The following CAPN13 variants were observed in gnomAD, a reference collection of about 807,000 sequenced individuals.
CAPN13 encodes the protein calpain-13.
Under a neutral mutation model 98.4 loss-of-function variants are expected in CAPN13, and 90 were observed. The observed-to-expected ratio is 0.92, with a 90% CI of 0.77 to 1.09. The LOEUF (loss-of-function observed/expected upper bound fraction) is 1.09, where lower values mean the gene tolerates loss of function less well. CAPN13 is among the 50% of genes least tolerant of loss of function. The pLI is 0.00. For synonymous variants in CAPN13, 330 were observed against 305.5 expected (o/e 1.08, Z -0.84); for missense variants, 887 against 841.3 (o/e 1.05, Z -0.67).
chr2:30,766,739 G>A (rs1237538694), intron 5 of CAPN13, among the ~76,000 whole-genome samples: 2 of 152,198 alleles, frequency 1.3e-5, no homozygotes, highest in African/African-American at 4.8e-5. Context: ...ATGCTGAAAT[G>A]CTGTAGAGAT....
At chr2:30,783,385 G>C (rs1330132644) in intron 2 of CAPN13, among the ~76,000 whole-genome samples, 1 of 152,136 alleles carries the variant, frequency 6.6e-6, no homozygotes, top group Admixed American at 6.5e-5. Flanking sequence ...GAGCCTGGCT[G>C]GGGGAGGGGG....
chr2:30,798,407 A>T (rs1224653312), intron 1 of CAPN13, among the ~76,000 whole-genome samples: 9 of 152,036 alleles, frequency 5.9e-5, no homozygotes, highest in African/African-American at 2.2e-4. Context: ...CAACCTACTG[A>T]GCTCTCTCTC....
chr2:30,780,969 G>A (rs1673957778), intron 2 of CAPN13, among the ~76,000 whole-genome samples: 1 of 152,236 alleles, frequency 6.6e-6, no homozygotes, highest in Non-Finnish European at 1.5e-5. Flanking sequence ...CCAGTGTGAT[G>A]AGAACCTGGA....
At chr2:30,765,483 GT>G (rs1454289382) in intron 5 of CAPN13, among the ~76,000 whole-genome samples, 3 of 152,190 alleles carry the variant, frequency 2.0e-5, no homozygotes, top group Non-Finnish European at 4.4e-5. Flanking sequence ...TTTTGTTCTG[GT>G]AATGCAAAAT....
chr2:30,730,423 T>C (rs563341792), intron 22 of CAPN13, among the ~76,000 whole-genome samples: 1 of 152,340 alleles, frequency 6.6e-6, no homozygotes, highest in African/African-American at 2.4e-5. Flanking sequence ...ACCATTTCTC[T>C]TGCCCTTCCC....
At chr2:30,755,667 C>T (rs1672407118) in intron 8 of CAPN13, among the ~76,000 whole-genome samples, 1 of 152,132 alleles carries the variant, frequency 6.6e-6, no homozygotes, top group South Asian at 2.1e-4. Flanking sequence ...AGACCTTTCT[C>T]CTGGATGAGC....
At chr2:30,755,880 C>T (rs549863805) in intron 8 of CAPN13, among the ~76,000 whole-genome samples, 1 of 151,442 alleles carries the variant, frequency 6.6e-6, no homozygotes, top group South Asian at 2.1e-4. Flanking sequence ...TGCAAGTTTG[C>T]CTTTAAGTGT....
intron 2 of CAPN13, among the ~76,000 whole-genome samples, chr2:30,781,433 C>T (rs1290353164): frequency 1.3e-5 from 2 of 152,208 alleles, no homozygotes; most frequent in Non-Finnish European, 2.9e-5. Flanking sequence ...CTAAACATTA[C>T]TTCTGGGCAT....
At chr2:30,805,015 T>C (rs1021857131) in intron 1 of CAPN13, among the ~76,000 whole-genome samples, 3 of 152,190 alleles carry the variant, frequency 2.0e-5, no homozygotes, top group Admixed American at 1.3e-4. Context: ...GGACTCTTGG[T>C]CCCTTTTTTA....
intron 4 of CAPN13, among the ~76,000 whole-genome samples, chr2:30,772,925 C>T (rs1392352973): frequency 3.3e-5 from 5 of 151,826 alleles, no homozygotes; most frequent in Admixed American, 6.6e-5. Context: ...CTCCCTGGTT[C>T]AAGGATTCTC....
At chr2:30,805,187 T>C (rs1287820574) in intron 1 of CAPN13, among the ~76,000 whole-genome samples, 3 of 152,106 alleles carry the variant, frequency 2.0e-5, no homozygotes, top group African/African-American at 7.2e-5. Context: ...CTTTGAACAA[T>C]AAGAGAGGAG....
intron 1 of CAPN13, among the ~76,000 whole-genome samples, chr2:30,799,325 A>G (rs1363779642): frequency 1.3e-5 from 2 of 152,250 alleles, no homozygotes; most frequent in Non-Finnish European, 2.9e-5. Context: ...GAGCTTAAAC[A>G]TCGGGTTTGA....
At chr2:30,755,271 T>A (rs545988352) in intron 8 of CAPN13, among the ~76,000 whole-genome samples, 1 of 152,126 alleles carries the variant, frequency 6.6e-6, no homozygotes, top group African/African-American at 2.4e-5. Context: ...AAATGCCCTC[T>A]ATTCCAGGTC....
Position 30,731,344 on chromosome 2 carries a change from C to T in CAPN13, c.1983G>A (p.Glu661=). 6.2e-7 allele frequency: 1 copy of T among 1,609,644 alleles called. No homozygotes were observed. Among genetic ancestry groups the T allele is most frequent in the Non-Finnish European group, 8.5e-7 (1 of 1,177,964 alleles). The change falls in exon 21 of 23, where the codon GAG becomes GAA. Residue 661 remains glutamate (E), a splice_region_variant and synonymous_variant. Transcript: ENST00000295055. The part of the protein sequence containing the change: ...DGKGLYLTEM[E]WMSLVMYN ...CCCCGGGGAGGGGAAGGTACCTCAC[C>T]TCCATTTCTGTCAGGTAGAGTCCTT...
At chr2:30,745,894 ATTTTTT>A (rs57880021) in intron 11 of CAPN13, among the ~76,000 whole-genome samples, 160 bp from the exon 12 acceptor site, 2,006 of 92,768 alleles carry the variant, frequency 0.022, 31 homozygotes, top group African/African-American at 0.062. Flanking sequence ...GCCATAAAGC[ATTTTTT>A]TTTTTTTTTT....
In CAPN13 at chr2:30,726,941, A is replaced by G. The variant is rs80303022; in HGVS notation, c.*31-3705T>C. On this transcript the variant is annotated intron_variant, in intron 22 of 22. Coordinates refer to ENST00000295055, the MANE Select transcript of CAPN13 (RefSeq NM_144575.3). ...GGAAAACTCACACTTCCTAATTTCA[A>G]AAGTTACTATAAAATTGTAGCAATC... 2.0e-5 allele frequency among the ~76,000 whole-genome samples: 3 copies of G among 152,322 alleles called. No homozygotes were observed. In the East Asian group the frequency reaches 5.8e-4, roughly 29 times the overall value.
At chr2:30,796,305 T>G (rs554376822) in intron 1 of CAPN13, among the ~76,000 whole-genome samples, 14 of 151,696 alleles carry the variant, frequency 9.2e-5, no homozygotes, top group African/African-American at 3.1e-4. Flanking sequence ...TCTCCACCTA[T>G]TCCCTGTGTG....
intron 7 of CAPN13, among the ~76,000 whole-genome samples, chr2:30,759,448 T>C (rs1333290219): frequency 6.6e-6 from 1 of 152,216 alleles, no homozygotes; most frequent in African/African-American, 2.4e-5. Context: ...AATTAAAATA[T>C]GACTGAGCTG....
At chr2:30,777,661 G>C in intron 2 of CAPN13, 22 bp from the exon 3 acceptor site, 2 of 1,532,118 alleles carry the variant, frequency 1.3e-6, no homozygotes, top group East Asian at 4.8e-5. Context: ...AGGGAGAAAA[G>C]CTATGAACAT....
Sources: gnomAD v4.1 joint callset for allele counts (sites outside exome capture counted in the v4.1 genomes callset) on GRCh38, gnomAD v4.1.1 for gene constraint, MANE v1.5 for transcripts, NCBI Gene and HGNC (gene_info 2026-07-23, HGNC 2026-07-21) for gene names.